Variants in DST observed in about 807,000 individuals in gnomAD.
DST encodes bullous pemphigoid antigen.
Under a neutral mutation model 875.2 loss-of-function variants are expected in DST, and 253 were observed. The observed-to-expected ratio is 0.29, with a 90% CI of 0.26 to 0.32. The LOEUF is 0.32. Among genes scored for constraint, DST ranks in the 10% least tolerant of loss-of-function variants. The pLI is 1.00. For missense variants in DST, 8,287 were observed against 9,111.6 expected (o/e 0.91, Z 3.68); for synonymous variants, 3,124 against 3,197.1 (o/e 0.98, Z 0.77).
chr6:56,743,527 G>A (rs1287297594), intron 4 of DST, among the ~76,000 whole-genome samples: 4 of 151,980 alleles, frequency 2.6e-5, no homozygotes, highest in East Asian at 1.9e-4. Flanking sequence ...CCTTGCCTCC[G>A]CTACACGAAA....
At chr6:56,794,386 A>G (rs1446295052) in intron 4 of DST, among the ~76,000 whole-genome samples, 1 of 152,198 alleles carries the variant, frequency 6.6e-6, no homozygotes, top group Admixed American at 6.5e-5. Context: ...ATCTGTGTTT[A>G]GGGTACATAC....
intron 4 of DST, among the ~76,000 whole-genome samples, chr6:56,752,137 C>T (rs2099589022): frequency 6.6e-6 from 1 of 151,386 alleles, no homozygotes; most frequent in Non-Finnish European, 1.5e-5. Context: ...TCCATTCAGT[C>T]AACAAGCATC....
chr6:56,599,948 G>A (rs1337437456), intron 45 of DST, 121 bp downstream of exon 45: 3 of 865,506 alleles, frequency 3.5e-6, no homozygotes, highest in Non-Finnish European at 5.1e-6. Context: ...GGCGTCTTGG[G>A]TATGCCTTGC....
intron 87 of DST, 58 bp from the exon 88 acceptor site, chr6:56,485,529 G>T: frequency 6.6e-7 from 1 of 1,519,194 alleles, no homozygotes; most frequent in Non-Finnish European, 9.0e-7. Context: ...TCATATATCT[G>T]AACATCTAAA....
chr6:56,700,313 C>T (rs1008435243), intron 8 of DST, among the ~76,000 whole-genome samples: 1 of 152,152 alleles, frequency 6.6e-6, no homozygotes, highest in Non-Finnish European at 1.5e-5. Flanking sequence ...GACTGCTGTT[C>T]TAGAGCAAGT....
intron 72 of DST, among the ~76,000 whole-genome samples, chr6:56,512,404 G>A (rs2152479759): frequency 6.6e-6 from 1 of 152,288 alleles, no homozygotes; most frequent in East Asian, 1.9e-4. Context: ...GCCACCCCCA[G>A]GGGGAAGATC....
chr6:56,890,871 C>A (rs1232744118), intron 3 of DST, among the ~76,000 whole-genome samples: 1 of 152,210 alleles, frequency 6.6e-6, no homozygotes, highest in Non-Finnish European at 1.5e-5. Flanking sequence ...TTGAGTGCTT[C>A]ATATAAAGTC....
At chr6:56,877,241 C>A (rs1779993394) in intron 3 of DST, among the ~76,000 whole-genome samples, 1 of 152,218 alleles carries the variant, frequency 6.6e-6, no homozygotes, top group Admixed American at 6.5e-5. Flanking sequence ...CCATTTACCA[C>A]CTCCTAGCAT....
At chr6:56,535,594 A>C (rs1444479994) in intron 62 of DST, among the ~76,000 whole-genome samples, 16 of 152,206 alleles carry the variant, frequency 1.1e-4, no homozygotes. Context: ...AATATTTTAG[A>C]GTTATCGTAA....
intron 22 of DST, 170 bp downstream of exon 22, chr6:56,639,089 T>A (rs181756337): frequency 1.5e-6 from 1 of 661,292 alleles, no homozygotes; most frequent in East Asian, 2.7e-5. Flanking sequence ...GTGACATACT[T>A]AGAGCCAGAG....
At chr6:56,628,713 TA>T (rs757219595) in intron 32 of DST, among the ~76,000 whole-genome samples, 20 of 152,236 alleles carry the variant, frequency 1.3e-4, no homozygotes, top group Non-Finnish European at 2.9e-4. Context: ...AAAAGCATTT[TA>T]TTTGCATTAA....
intron 71 of DST, 75 bp from the exon 72 acceptor site, chr6:56,515,743 A>T (rs1209967930): frequency 1.7e-6 from 2 of 1,151,162 alleles, no homozygotes; most frequent in Admixed American, 4.4e-5. Context: ...TCTGTCCAGC[A>T]CAGTACACCT....
rs1364606135 is a variant in DST, at chr6:56,532,376, T to G, written c.17076A>C (p.Arg5692Ser). ...CAGCTTTATTAAGCAATGCCTCCCA[T>G]CTGCTATCCAAGAGACTGAGCTGTT... The part of the protein sequence containing the change: ...ILKQLSLLDS[R>S]WEALLNKAET... The change falls in exon 64 of 104, where the codon AGA (arginine) becomes AGC (serine). Residue 5692 changes from arginine (R) to serine (S), a missense_variant. Around this residue, in one of 10 missense-constraint regions of DST, gnomAD observed 777 missense variants for 764.8 expected, o/e 1.02. Transcript: ENST00000680361. The G allele has an allele frequency of 6.2e-7, 1 of 1,613,688 alleles. No individual in the cohort carries two copies. The highest frequency in any genetic ancestry group is 1.1e-5 in the South Asian group (1 of 91,064).
chr6:56,852,056 A>G (rs953982868), intron 3 of DST: 11 of 1,411,854 alleles, frequency 7.8e-6, no homozygotes, highest in Non-Finnish European at 9.2e-6. Flanking sequence ...ACAAAGCACA[A>G]ATGCAGGATG....
chr6:56,881,118 G>T (rs1781993460), intron 3 of DST, among the ~76,000 whole-genome samples: 1 of 151,822 alleles, frequency 6.6e-6, no homozygotes, highest in Non-Finnish European at 1.5e-5. Context: ...CGAAGTGCTG[G>T]GATTACAGGC....
At chr6:56,895,031 T>C (rs1318135717) in intron 3 of DST, among the ~76,000 whole-genome samples, 8 of 95,194 alleles carry the variant, frequency 8.4e-5, no homozygotes, top group East Asian at 5.9e-4. Flanking sequence ...GGGCGGGGGG[T>C]TGACCCCCCA....
chr6:56,882,867 T>C (rs1297525498), intron 3 of DST, among the ~76,000 whole-genome samples: 1 of 152,204 alleles, frequency 6.6e-6, no homozygotes, highest in Non-Finnish European at 1.5e-5. Flanking sequence ...AGCATGTTGC[T>C]TTTTTCTTTT....
At chr6:56,508,395 T>G in intron 75 of DST, 134 bp downstream of exon 75, 1 of 717,670 alleles carries the variant, frequency 1.4e-6, no homozygotes, top group Non-Finnish European at 2.4e-6. Context: ...TATCTCCTAC[T>G]GTATCACTGC....
intron 3 of DST, among the ~76,000 whole-genome samples, chr6:56,887,527 G>C (rs758846965): frequency 9.9e-5 from 15 of 152,158 alleles, no homozygotes; most frequent in Non-Finnish European, 2.1e-4. Context: ...CATCTTTGAA[G>C]GGGCTTTCTT....
Sources: gnomAD v4.1 joint callset for allele counts (sites outside exome capture counted in the v4.1 genomes callset) on GRCh38, gnomAD v4.1.1 for gene constraint, gnomAD v4.1.1 regional missense constraint, MANE v1.5 for transcripts, NCBI Gene and HGNC (gene_info 2026-07-23, HGNC 2026-07-21) for gene names.